NFX1: variants seen among roughly 807,000 people sequenced by gnomAD.
NFX1 encodes transcriptional repressor NF-X1.
Under a neutral mutation model 137.2 loss-of-function variants are expected in NFX1, and 69 were observed. That is an observed-to-expected ratio of 0.50 (90% confidence interval 0.41 to 0.61). NFX1 has a LOEUF of 0.61. Ranked by LOEUF, NFX1 falls within the 20% of genes least tolerant of loss-of-function variation. The probability of loss-of-function intolerance (pLI) is 0.00; values close to 1 mark genes in which losing one functional copy is unlikely to be tolerated. For synonymous variants in NFX1, 495 were observed against 474.1 expected (o/e 1.04, Z -0.57); for missense variants, 1,167 against 1,391.0 (o/e 0.84, Z 2.56).
intron 9 of NFX1, among the ~76,000 whole-genome samples, chr9:33,326,630 G>T (rs1309843354): frequency 6.6e-6 from 1 of 151,910 alleles, no homozygotes. Flanking sequence ...TAAAGTGGGG[G>T]ATCACTTGAG....
intron 15 of NFX1, 136 bp from the exon 16 acceptor site, chr9:33,351,424 C>A: frequency 2.6e-6 from 2 of 781,758 alleles, no homozygotes; most frequent in Non-Finnish European, 4.2e-6. Context: ...CCAGCCTGGG[C>A]AACAGTGAAA....
rs765749371 is a variant in NFX1, at chr9:33,357,334, AAT to A, written c.2873+2455_2873+2456del. On this transcript the variant is annotated intron_variant, in intron 19 of 23. Transcript: ENST00000379540. ...AATAATAAATAAATAAAGTATATCA[AAT>A]ATATATATATATGTGAGTCTGTTTC... 6.5e-3 allele frequency among the ~76,000 whole-genome samples: 977 copies of A among 150,220 alleles called. 10 individuals are homozygous for A. Among genetic ancestry groups the A allele is most frequent in the African/African-American group, 0.022 (922 of 41,084 alleles).
chr9:33,366,770 A>G lies in NFX1; in HGVS notation c.3181A>G (p.Ile1061Val). 1 of 1,613,750 alleles carries G rather than the reference A, an allele frequency of 6.2e-7. No individual in the cohort carries two copies. The highest frequency in any genetic ancestry group is 8.5e-7 in the Non-Finnish European group (1 of 1,179,704). Residue 1061 changes from isoleucine (I) to valine (V), a missense_variant, in exon 22 of 24, where the codon ATC becomes GTC. Transcript: ENST00000379540. ...EPKRNVVVTA[I>V]RGKSVCPPTT... ...GAAGCGCAATGTGGTGGTCACTGCC[A>G]TCAGGTAGGTCAATCCCGCCGTCAG... is the stretch of plus-strand genomic sequence containing the variant.
At chr9:33,363,263 GTATTATTATTATTATTATTAT>G (rs60988084) in intron 19 of NFX1, among the ~76,000 whole-genome samples, 1 of 144,826 alleles carries the variant, frequency 6.9e-6, no homozygotes, top group African/African-American at 2.5e-5. Flanking sequence ...ATAAAGAAAT[GTATTATTATTATTATTATTAT>G]TATTATTATT....
In NFX1 at chr9:33,354,111, A is replaced by G; in HGVS notation, c.2755A>G (p.Lys919Glu). 1.2e-6 allele frequency: 2 copies of G among 1,612,670 alleles called. No individual in the cohort carries two copies. The highest frequency in any genetic ancestry group is 1.7e-6 in the Non-Finnish European group (2 of 1,179,496). The change falls in exon 18 of 24, where the codon AAG becomes GAG. Residue 919 changes from lysine to glutamate, a missense_variant. By Grantham distance (56) the Lys-to-Glu change is moderately conservative (BLOSUM62 1). Around this residue, in one of 3 missense-constraint regions of NFX1, gnomAD observed 312 missense variants for 312.8 expected, o/e 1.00. Coordinates refer to ENST00000379540, the MANE Select transcript of NFX1 (RefSeq NM_002504.6). ...QRIAAISMAS[K>E]ITDMQLGGSV... ...AATAGCTGCAATCTCCATGGCCTCTAAGATAACAGACATGCAGCTTGGAGG... is the reference window on the plus strand; with the variant it reads ...AATAGCTGCAATCTCCATGGCCTCTGAGATAACAGACATGCAGCTTGGAGG...
At chr9:33,358,566 G>A (rs1823888828) in intron 19 of NFX1, among the ~76,000 whole-genome samples, 1 of 147,160 alleles carries the variant, frequency 6.8e-6, no homozygotes, top group Non-Finnish European at 1.5e-5. Context: ...TTTTAGAAAT[G>A]TGTTACAGAA....
chr9:33,324,714 T>C (rs1318893120), intron 9 of NFX1, among the ~76,000 whole-genome samples: 1 of 151,368 alleles, frequency 6.6e-6, no homozygotes, highest in African/African-American at 2.4e-5. Context: ...AATCACGAGG[T>C]CAGGAGATCG....
At chr9:33,319,158 A>G (rs1464214153) in intron 9 of NFX1, 31 bp downstream of exon 9, 1 of 1,593,068 alleles carries the variant, frequency 6.3e-7, no homozygotes, top group South Asian at 1.1e-5. Flanking sequence ...TGGCTTTAAA[A>G]ATATTATTGT....
At chr9:33,368,804 T>C (rs1272716273) in intron 23 of NFX1, among the ~76,000 whole-genome samples, 1 of 152,208 alleles carries the variant, frequency 6.6e-6, no homozygotes, top group Non-Finnish European at 1.5e-5. Flanking sequence ...TTAGTGTTCC[T>C]GTGGGACTGG....
intron 19 of NFX1, among the ~76,000 whole-genome samples, chr9:33,362,470 A>G (rs151267155): frequency 2.0e-5 from 3 of 152,274 alleles, no homozygotes; most frequent in East Asian, 3.9e-4. Flanking sequence ...AACAACATGG[A>G]TGGACCTGGA....
At chr9:33,301,769 AT>A (rs1414558092) in intron 3 of NFX1, among the ~76,000 whole-genome samples, 1 of 77,296 alleles carries the variant, frequency 1.3e-5, no homozygotes, top group Non-Finnish European at 3.6e-5. Flanking sequence ...TCTATTTTTA[AT>A]TTATCTTCTT....
chr9:33,365,556 T>C (rs1824144710), intron 21 of NFX1: 1 of 152,160 alleles, frequency 6.6e-6, no homozygotes, highest in East Asian at 1.9e-4. Context: ...TGCAGTAAGC[T>C]GAGGTTGAGT....
intron 4 of NFX1, 79 bp downstream of exon 4, chr9:33,303,347 A>C: frequency 8.1e-7 from 1 of 1,232,896 alleles, no homozygotes; most frequent in Non-Finnish European, 1.2e-6. Context: ...TCTGCGGGGC[A>C]TGTTTTAGAA....
intron 7 of NFX1, 56 bp from the exon 8 acceptor site, chr9:33,318,675 A>G (rs2118383656): frequency 6.8e-7 from 1 of 1,478,410 alleles, no homozygotes; most frequent in Non-Finnish European, 9.4e-7. Flanking sequence ...TATTTGTGAC[A>G]TTTTAAGAAC....
chr9:33,294,298 A>T (rs2118158772), intron 1 of NFX1, 122 bp from the exon 2 acceptor site: 1 of 886,482 alleles, frequency 1.1e-6, no homozygotes, highest in East Asian at 2.5e-5. Flanking sequence ...CATAGTTCTT[A>T]CTTAACAGCA....
chr9:33,335,290 G>A (rs554897926), intron 11 of NFX1, among the ~76,000 whole-genome samples: 1 of 147,624 alleles, frequency 6.8e-6, no homozygotes, highest in African/African-American at 2.5e-5. Flanking sequence ...GAGTGCAGTG[G>A]CGCAATCTCA....
intron 15 of NFX1, among the ~76,000 whole-genome samples, chr9:33,349,334 T>C (rs1823550651): frequency 6.6e-6 from 1 of 152,152 alleles, no homozygotes; most frequent in Non-Finnish European, 1.5e-5. Flanking sequence ...CTCCAGGTGT[T>C]CTGGAAAAAT....
Position 33,364,754 on chromosome 9 carries a change from C to G in NFX1, c.3019C>G (p.Leu1007Val). The G allele has an allele frequency of 6.2e-7, 1 of 1,613,808 alleles. No homozygotes were observed. The highest frequency in any genetic ancestry group is 8.5e-7 in the Non-Finnish European group (1 of 1,179,926). The change falls in exon 21 of 24, where the codon CTC (leucine) becomes GTC (valine). Residue 1007 changes from leucine to valine, a missense_variant. Leu to Val is a conservative substitution (Grantham distance 32). Coordinates refer to ENST00000379540, the MANE Select transcript of NFX1 (RefSeq NM_002504.6). ...TGACGTTGAGAAGGAAATGGAAACC[C>G]TCGTGGAGGCCGTGAATAAGGTTGA... ...VSDVEKEMET[L>V]VEAVNKGKNS...
At chr9:33,313,849 A>G (rs2118338032) in intron 7 of NFX1, 56 bp downstream of exon 7, 2 of 1,563,164 alleles carry the variant, frequency 1.3e-6, no homozygotes, top group East Asian at 2.3e-5. Context: ...GAACCTTATT[A>G]ATGATTGTCT....
Sources: gnomAD v4.1 joint callset for allele counts (sites outside exome capture counted in the v4.1 genomes callset) on GRCh38, gnomAD v4.1.1 for gene constraint, gnomAD v4.1.1 regional missense constraint, MANE v1.5 for transcripts, NCBI Gene and HGNC (gene_info 2026-07-23, HGNC 2026-07-21) for gene names.